RGS7: variants seen among roughly 807,000 people sequenced by gnomAD.
RGS7 encodes the protein regulator of G-protein signaling 7.
Under a neutral mutation model 81.1 loss-of-function variants are expected in RGS7, and 27 were observed. The ratio of observed to expected loss-of-function variants is 0.33; its 90% confidence interval spans 0.25 to 0.46. The LOEUF (loss-of-function observed/expected upper bound fraction) is 0.46, where lower values mean the gene tolerates loss of function less well. Among genes scored for constraint, RGS7 ranks in the 20% least tolerant of loss-of-function variants. The pLI is 1.00. For missense variants in RGS7, 396 were observed against 607.4 expected, an observed-to-expected ratio of 0.65 and a Z score of 3.66; for synonymous variants, 208 against 207.7, an observed-to-expected ratio of 1.00 and a Z score of -0.01.
At chr1:240,998,828 C>T (rs989406062) in intron 3 of RGS7, 28 of 585,768 alleles carry the variant, frequency 4.8e-5, no homozygotes, top group African/African-American at 2.6e-4. Context: ...CGCTGCCGGA[C>T]GCGGATGGAC....
chr1:240,816,720 CACTA>C (rs1221369098), intron 10 of RGS7, among the ~76,000 whole-genome samples: 7 of 152,274 alleles, frequency 4.6e-5, no homozygotes, highest in Admixed American at 6.5e-5. Flanking sequence ...AGAATGTCAA[CACTA>C]ACTAACATTT....
intron 3 of RGS7, among the ~76,000 whole-genome samples, chr1:241,049,303 TATCTC>T (rs1172961090): frequency 6.6e-6 from 1 of 152,252 alleles, no homozygotes; most frequent in African/African-American, 2.4e-5. Flanking sequence ...TTACTGGTGT[TATCTC>T]ATACCCCTCT....
intron 2 of RGS7, among the ~76,000 whole-genome samples, chr1:241,274,048 T>A (rs550181794): frequency 6.6e-6 from 1 of 152,340 alleles, no homozygotes; most frequent in South Asian, 2.1e-4. Context: ...CATGGAAATG[T>A]CTTGCCACTT....
chr1:241,104,323 G>T (rs1347413078), intron 2 of RGS7, among the ~76,000 whole-genome samples: 1 of 152,180 alleles, frequency 6.6e-6, no homozygotes, highest in Non-Finnish European at 1.5e-5. Context: ...AAATTGTCAA[G>T]CAATAAGTAG....
intron 9 of RGS7, among the ~76,000 whole-genome samples, chr1:240,854,264 A>T (rs1197394010): frequency 6.6e-6 from 1 of 152,230 alleles, no homozygotes; most frequent in Admixed American, 6.5e-5. Context: ...TTCACTCTTG[A>T]TAATACAACT....
At chr1:241,272,373 A>G (rs2077962642) in intron 2 of RGS7, among the ~76,000 whole-genome samples, 1 of 152,096 alleles carries the variant, frequency 6.6e-6, no homozygotes, top group African/African-American at 2.4e-5. Context: ...ATTATTTCCT[A>G]CAGCTTCCCC....
chr1:240,924,824 G>T (rs1674151572), intron 6 of RGS7, among the ~76,000 whole-genome samples: 1 of 151,612 alleles, frequency 6.6e-6, no homozygotes, highest in Non-Finnish European at 1.5e-5. Flanking sequence ...CAAAAAACTC[G>T]GTAATCAAAA....
chr1:240,963,029 T>C (rs1681717260), intron 4 of RGS7, among the ~76,000 whole-genome samples: 1 of 152,094 alleles, frequency 6.6e-6, no homozygotes, highest in African/African-American at 2.4e-5. Flanking sequence ...GGAAAGATCA[T>C]TATAGATGCA....
At chr1:241,077,791 C>A (rs1356867086) in intron 3 of RGS7, among the ~76,000 whole-genome samples, 1 of 152,104 alleles carries the variant, frequency 6.6e-6, no homozygotes, top group East Asian at 1.9e-4. Flanking sequence ...ATAATTGAGT[C>A]TCCAAAAAAA....
intron 2 of RGS7, among the ~76,000 whole-genome samples, chr1:241,202,133 C>A (rs192510827): frequency 3.9e-5 from 6 of 151,932 alleles, no homozygotes; most frequent in African/African-American, 1.4e-4. Context: ...AAGGTTCTTA[C>A]ATTAATACCT....
At chr1:241,114,043 T>C (rs2065716923) in intron 2 of RGS7, among the ~76,000 whole-genome samples, 1 of 152,204 alleles carries the variant, frequency 6.6e-6, no homozygotes, top group African/African-American at 2.4e-5. Context: ...GAATAGTATC[T>C]TTTGGGAAAC....
intron 3 of RGS7, among the ~76,000 whole-genome samples, chr1:241,092,272 C>G (rs975001133): frequency 6.6e-6 from 1 of 152,204 alleles, no homozygotes; most frequent in African/African-American, 2.4e-5. Context: ...AAGCAACTAT[C>G]TTACAAATTT....
chr1:240,793,678 T>C (rs1024553438), intron 18 of RGS7, among the ~76,000 whole-genome samples: 5 of 147,408 alleles, frequency 3.4e-5, no homozygotes, highest in African/African-American at 1.3e-4. Flanking sequence ...GGCATGATCT[T>C]GGCTCACTGC....
At chr1:241,226,685 C>G (rs1004159408) in intron 2 of RGS7, among the ~76,000 whole-genome samples, 3 of 152,198 alleles carry the variant, frequency 2.0e-5, no homozygotes, top group African/African-American at 7.2e-5. Context: ...TGAAATCTGA[C>G]CTACTTCATT....
rs114699330 is a variant in RGS7 at position 241,310,352 on chromosome 1, C to T, written c.78+45347G>A. On this transcript the variant is annotated intron_variant, in intron 2 of 18. Coordinates refer to ENST00000440928, the MANE Select transcript of RGS7 (RefSeq NM_001364886.1). ...AACAGTGTATATGAAGACCTAGAGA[C>T]GAAGGTGTGAGAGTGTGTGTGTGTG... Among the ~76,000 whole-genome samples, 140 of 151,206 alleles carry T rather than the reference C, an allele frequency of 9.3e-4. 2 individuals are homozygous for T. The highest frequency in any genetic ancestry group is 3.1e-3 in the African/African-American group (126 of 41,176).
Position 240,870,181 on chromosome 1 carries a change from TACA to T in RGS7, c.386-65_386-63del, listed in dbSNP as rs545731363. 178 of 1,396,316 alleles carry T rather than the reference TACA, an allele frequency of 1.3e-4. 1 individual carries two copies. In the African/African-American group the frequency reaches 1.3e-3, roughly 10 times the overall value. The allele number at this position is 1,396,316 out of a possible 1,614,324, so 86.5% of individuals were successfully genotyped here. A position where few individuals can be genotyped will look rare whatever the true frequency, so the allele number is the denominator to read the frequency against. ...AACACCATGGCACTATAAGTAAAAGTACAACATTACAAATCAAGGGCATTGCAC... is the reference window on the plus strand; with the variant it reads ...AACACCATGGCACTATAAGTAAAAGTACATTACAAATCAAGGGCATTGCAC... On this transcript the variant is annotated intron_variant, in intron 6 of 18. Transcript: ENST00000440928.
At chr1:241,127,968 A>C (rs2066789044) in intron 2 of RGS7, among the ~76,000 whole-genome samples, 1 of 152,170 alleles carries the variant, frequency 6.6e-6, no homozygotes, top group Non-Finnish European at 1.5e-5. Context: ...AATATAGAGC[A>C]GTATGTTATC....
At chr1:240,983,288 A>G (rs1685197574) in intron 3 of RGS7, among the ~76,000 whole-genome samples, 159 bp from the exon 4 acceptor site, 11 of 152,262 alleles carry the variant, frequency 7.2e-5, no homozygotes, top group Admixed American at 7.2e-4. Flanking sequence ...TGCTGAAAAC[A>G]CAAAGTATGG....
chr1:241,125,393 A>G (rs2066582236), intron 2 of RGS7, among the ~76,000 whole-genome samples: 1 of 151,394 alleles, frequency 6.6e-6, no homozygotes, highest in Admixed American at 6.6e-5. Context: ...TTTTTCCTCC[A>G]ATCATCTAGA....
Sources: gnomAD v4.1 joint callset for allele counts (sites outside exome capture counted in the v4.1 genomes callset) on GRCh38, gnomAD v4.1.1 for gene constraint, MANE v1.5 for transcripts, NCBI Gene and HGNC (gene_info 2026-07-23, HGNC 2026-07-21) for gene names.